Variants in FRZB observed in about 807,000 individuals in gnomAD.
FRZB encodes the protein secreted frizzled-related protein 3.
FRZB carries 34 observed loss-of-function variants against 32.5 expected under a neutral mutation model. The ratio of observed to expected loss-of-function variants is 1.05; its 90% CI spans 0.80 to 1.39. The LOEUF (loss-of-function observed/expected upper bound fraction) is 1.39, where lower values mean the gene tolerates loss of function less well. Ranked by LOEUF, FRZB falls within the 40% of genes most tolerant of loss-of-function variation. The pLI is 0.00. For missense variants in FRZB, 423 were observed against 424.8 expected, an observed-to-expected ratio of 1.00 and a Z score of 0.04; for synonymous variants, 170 against 159.2, an observed-to-expected ratio of 1.07 and a Z score of -0.51.
intron 5 of FRZB, among the ~76,000 whole-genome samples, chr2:182,836,965 A>G (rs767239014): frequency 6.6e-6 from 1 of 152,050 alleles, no homozygotes; most frequent in Admixed American, 6.6e-5. Flanking sequence ...GTCAAGTGCC[A>G]GATGTATAAG....
chr2:182,865,517 T>C (rs1008301377), intron 1 of FRZB, among the ~76,000 whole-genome samples: 2 of 152,218 alleles, frequency 1.3e-5, no homozygotes, highest in Non-Finnish European at 2.9e-5. Context: ...AGCAAACACA[T>C]ACCCCTAACA....
At chr2:182,857,311 C>A (rs1303889641) in intron 2 of FRZB, among the ~76,000 whole-genome samples, 1 of 152,036 alleles carries the variant, frequency 6.6e-6, no homozygotes, top group Non-Finnish European at 1.5e-5. Flanking sequence ...GTATTTATAG[C>A]ATTACATTAT....
chr2:182,844,867 G>A (rs1559047878), intron 2 of FRZB, among the ~76,000 whole-genome samples: 1 of 152,060 alleles, frequency 6.6e-6, no homozygotes, highest in African/African-American at 2.4e-5. Context: ...TTGCTCATCT[G>A]CAATATACTT....
intron 2 of FRZB, 93 bp from the exon 3 acceptor site, chr2:182,842,636 A>G (rs1157102097): frequency 2.6e-5 from 24 of 920,384 alleles, no homozygotes; most frequent in African/African-American, 5.0e-5. Flanking sequence ...CTAGATCTCA[A>G]TTTGGTGGTG....
intron 4 of FRZB, 128 bp from the exon 5 acceptor site, chr2:182,838,139 C>A: frequency 1.3e-6 from 1 of 758,982 alleles, no homozygotes; most frequent in Non-Finnish European, 2.1e-6. Context: ...AGATTTAGAA[C>A]AGTAATTATT....
intron 2 of FRZB, among the ~76,000 whole-genome samples, 159 bp from the exon 3 acceptor site, chr2:182,842,702 T>C (rs905550613): frequency 6.6e-6 from 1 of 152,200 alleles, no homozygotes; most frequent in Admixed American, 6.5e-5. Flanking sequence ...ACTACATTCA[T>C]GTTTATTCTA....
intron 2 of FRZB, among the ~76,000 whole-genome samples, chr2:182,843,546 G>A (rs904151375): frequency 3.9e-5 from 6 of 152,276 alleles, no homozygotes; most frequent in African/African-American, 1.4e-4. Flanking sequence ...TAAATGGTAT[G>A]TGCTTCTCTT....
At chr2:182,854,833 T>C (rs187954577) in intron 2 of FRZB, among the ~76,000 whole-genome samples, 9 of 152,300 alleles carry the variant, frequency 5.9e-5, no homozygotes, top group Admixed American at 5.2e-4. Flanking sequence ...TAAAGCTTTC[T>C]AGCCAAAGGA....
At chr2:182,859,701 G>A (rs1327712325) in intron 1 of FRZB, among the ~76,000 whole-genome samples, 1 of 152,022 alleles carries the variant, frequency 6.6e-6, no homozygotes, top group East Asian at 1.9e-4. Flanking sequence ...ATTAAACAAG[G>A]GGTTAATACT....
At chr2:182,848,274 G>C (rs1400299108) in intron 2 of FRZB, among the ~76,000 whole-genome samples, 3 of 152,176 alleles carry the variant, frequency 2.0e-5, no homozygotes, top group African/African-American at 2.4e-5. Flanking sequence ...GAAGAAATCA[G>C]TGCACTAGAT....
intron 3 of FRZB, 70 bp from the exon 4 acceptor site, chr2:182,838,683 A>T (rs1490228018): frequency 8.0e-7 from 1 of 1,245,502 alleles, no homozygotes; most frequent in Admixed American, 1.9e-5. Flanking sequence ...AAAAAAGCCA[A>T]AGTAGGCTTC....
At chr2:182,862,457 C>G (rs1695843854) in intron 1 of FRZB, among the ~76,000 whole-genome samples, 1 of 152,196 alleles carries the variant, frequency 6.6e-6, no homozygotes, top group Non-Finnish European at 1.5e-5. Context: ...AGGGGATCTG[C>G]TCTTGAGCCT....
Position 182,866,127 on chromosome 2 carries a change from G to A in FRZB, c.426C>T (p.Tyr142=), listed in dbSNP as rs1037504091. The change falls in exon 1 of 6, where the codon TAC becomes TAT. Residue 142 remains tyrosine (Y), a synonymous_variant. Transcript: ENST00000295113. This position sits in a 1 kb window ranked among gnomAD's most constrained non-coding sequence, Gnocchi z 4.5. ...CGGGAGAGATGCACACGCCCCTGTC[G>A]TACACTGGCAGCTCCTCGCAGGCCA... is the stretch of plus-strand genomic sequence containing the variant. ...ENLACEELPV[Y]DRGVCISPEA... 1 of 1,614,096 alleles carries A rather than the reference G, an allele frequency of 6.2e-7. No homozygotes were observed. Among genetic ancestry groups the A allele is most frequent in the African/African-American group, 1.3e-5 (1 of 75,054 alleles).
intron 2 of FRZB, among the ~76,000 whole-genome samples, chr2:182,848,249 G>A (rs1019694374): frequency 7.9e-5 from 12 of 152,154 alleles, no homozygotes; most frequent in Admixed American, 7.9e-4. Flanking sequence ...GAATAGACAA[G>A]CAGGTTAGTA....
rs150679557 is a variant in FRZB, at chr2:182,834,865, C to T, written c.962G>A (p.Arg321Gln). 2.2e-4 allele frequency: 352 copies of T among 1,612,882 alleles called. 4 individuals are homozygous for T. Among genetic ancestry groups the T allele is most frequent in the Middle Eastern group, 9.9e-4 (6 of 6,056 alleles). Reference protein sequence around the residue: ...SQKSGRNSNPRQARN With the variant: ...SQKSGRNSNPQQARN ...TTTCGGGATTTAGTTGCGTGCTTGC[C>T]GGGGGTTCGAGTTCCTGCCAGACTT... Residue 321 changes from arginine (R) to glutamine (Q), a missense_variant, in exon 6 of 6, where the codon CGG (arginine) becomes CAG (glutamine). Coordinates refer to ENST00000295113, the MANE Select transcript of FRZB (RefSeq NM_001463.4).
At chr2:182,840,091 C>T (rs1695571174) in intron 3 of FRZB, among the ~76,000 whole-genome samples, 3 of 152,108 alleles carry the variant, frequency 2.0e-5, no homozygotes, top group Admixed American at 6.6e-5. Flanking sequence ...AATTAGTTGC[C>T]TCAAGTATGA....
At chr2:182,856,705 G>C (rs910074596) in intron 2 of FRZB, among the ~76,000 whole-genome samples, 1 of 151,986 alleles carries the variant, frequency 6.6e-6, no homozygotes, top group Non-Finnish European at 1.5e-5. Flanking sequence ...ATTTAGAGCA[G>C]AGAAAATTAC....
chr2:182,856,401 A>C (rs1695770621), intron 2 of FRZB, among the ~76,000 whole-genome samples: 1 of 151,962 alleles, frequency 6.6e-6, no homozygotes, highest in Non-Finnish European at 1.5e-5. Flanking sequence ...ACAATCCAAA[A>C]GAAAGAAGAG....
chr2:182,858,695 C>G, intron 2 of FRZB, 91 bp downstream of exon 2: 1 of 880,660 alleles, frequency 1.1e-6, no homozygotes, highest in Non-Finnish European at 1.8e-6. Context: ...ATGTAGGGCA[C>G]AAGCTTCCCC....
Sources: gnomAD v4.1 joint callset for allele counts (sites outside exome capture counted in the v4.1 genomes callset) on GRCh38, gnomAD v4.1.1 for gene constraint, Gnocchi (gnomAD v3.1) non-coding constraint, MANE v1.5 for transcripts, NCBI Gene and HGNC (gene_info 2026-07-23, HGNC 2026-07-21) for gene names.